The following ROBO2 variants were observed in gnomAD, a reference collection of about 807,000 sequenced individuals.
ROBO2 encodes the protein roundabout homolog 2.
In ROBO2, 53 loss-of-function variants were observed where a neutral mutation model predicts 160.8. The ratio of observed to expected loss-of-function variants is 0.33; its 90% CI spans 0.26 to 0.41. The LOEUF is 0.41. Among genes scored for constraint, ROBO2 ranks in the 10% least tolerant of loss-of-function variants. The pLI is 1.00. For synonymous variants in ROBO2, 664 were observed against 611.7 expected (o/e 1.09, Z -1.26); for missense variants, 1,577 against 1,722.4 (o/e 0.92, Z 1.49).
intron 2 of ROBO2, among the ~76,000 whole-genome samples, chr3:75,942,612 T>A (rs972175172): frequency 8.5e-5 from 13 of 152,250 alleles, no homozygotes; most frequent in Non-Finnish European, 1.8e-4. Flanking sequence ...AAAACCCACA[T>A]GAATACACAC....
At chr3:76,498,655 A>G (rs902004570) in intron 2 of ROBO2, among the ~76,000 whole-genome samples, 1 of 151,022 alleles carries the variant, frequency 6.6e-6, no homozygotes, top group African/African-American at 2.4e-5. Context: ...GTAACCAAAC[A>G]TACATCTGCT....
chr3:77,087,420 A>C (rs1475199072), intron 1 of ROBO2, among the ~76,000 whole-genome samples: 1 of 152,134 alleles, frequency 6.6e-6, no homozygotes, highest in East Asian at 1.9e-4. Context: ...TGAAAGGTAA[A>C]TCTGCATAAG....
chr3:77,393,709 A>C (rs1249705609), intron 2 of ROBO2, among the ~76,000 whole-genome samples: 1 of 151,330 alleles, frequency 6.6e-6, no homozygotes, highest in Admixed American at 6.6e-5. Flanking sequence ...AAGTTATTAC[A>C]TTCTGCACAG....
At chr3:77,317,637 C>T (rs1378677865) in intron 2 of ROBO2, 17 of 383,164 alleles carry the variant, frequency 4.4e-5, no homozygotes, top group Non-Finnish European at 5.9e-5. Flanking sequence ...GCGGGCTCTG[C>T]GGGGGCTGCT....
chr3:76,557,347 C>T (rs957460213), intron 2 of ROBO2, among the ~76,000 whole-genome samples: 8 of 151,894 alleles, frequency 5.3e-5, no homozygotes, highest in African/African-American at 1.9e-4. Context: ...TTGAAATCTA[C>T]CAAAAATCCT....
chr3:77,156,565 G>A (rs1579465642), intron 2 of ROBO2, among the ~76,000 whole-genome samples: 1 of 152,000 alleles, frequency 6.6e-6, no homozygotes, highest in East Asian at 1.9e-4. Flanking sequence ...TGTGAGAAAT[G>A]ATCAGTTTTC....
At chr3:75,954,128 T>A (rs1948646034) in intron 2 of ROBO2, among the ~76,000 whole-genome samples, 1 of 151,818 alleles carries the variant, frequency 6.6e-6, no homozygotes, top group African/African-American at 2.4e-5. Context: ...CAAAAGGATA[T>A]CATGTACCCT....
chr3:76,811,058 G>A (rs941625487), intron 2 of ROBO2, among the ~76,000 whole-genome samples: 1 of 152,156 alleles, frequency 6.6e-6, no homozygotes, highest in African/African-American at 2.4e-5. Flanking sequence ...CAAACTCATA[G>A]TGTTGCATGA....
intron 2 of ROBO2, among the ~76,000 whole-genome samples, chr3:75,943,789 C>T (rs1576242070): frequency 1.3e-5 from 2 of 152,058 alleles, no homozygotes; most frequent in African/African-American, 2.4e-5. Flanking sequence ...GCAGCCTCCA[C>T]CTCCCGGGCT....
intron 2 of ROBO2, among the ~76,000 whole-genome samples, chr3:76,655,100 G>T (rs964028806): frequency 1.3e-5 from 2 of 150,626 alleles, no homozygotes; most frequent in African/African-American, 4.9e-5. Context: ...TAAATTTTAT[G>T]AATAGTATGG....
At chr3:77,553,061 G>A (rs1308820946) in intron 8 of ROBO2, among the ~76,000 whole-genome samples, 2 of 151,898 alleles carry the variant, frequency 1.3e-5, no homozygotes, top group Non-Finnish European at 2.9e-5. Flanking sequence ...CAAATTGAAG[G>A]TTTATGGCAA....
At chr3:76,671,970 ATAAAC>A (rs1298778095) in intron 2 of ROBO2, among the ~76,000 whole-genome samples, 1 of 152,150 alleles carries the variant, frequency 6.6e-6, no homozygotes, top group African/African-American at 2.4e-5. Flanking sequence ...AAACAAGTGA[ATAAAC>A]TATGGTTTCT....
At chr3:76,992,325 CTATA>C (rs10530833) in intron 2 of ROBO2, among the ~76,000 whole-genome samples, 3,925 of 45,664 alleles carry the variant, frequency 0.086, 71 homozygotes, top group Middle Eastern at 0.11. Context: ...CCATGTATTA[CTATA>C]TATATATATA....
intron 2 of ROBO2, among the ~76,000 whole-genome samples, chr3:77,424,861 A>G (rs1001403510): frequency 3.9e-5 from 6 of 152,080 alleles, no homozygotes; most frequent in African/African-American, 1.4e-4. Flanking sequence ...CCTTCCATGA[A>G]CCTTTGCACA....
chr3:77,635,093 A>G (rs762559641), intron 24 of ROBO2, 50 bp downstream of exon 25: 6 of 1,583,132 alleles, frequency 3.8e-6, no homozygotes, highest in Non-Finnish European at 5.2e-6. Flanking sequence ...GACGTGCTCC[A>G]TGCAATCATT....
At chr3:76,872,471 G>A (rs2072210668) in intron 2 of ROBO2, among the ~76,000 whole-genome samples, 1 of 151,852 alleles carries the variant, frequency 6.6e-6, no homozygotes, top group Admixed American at 6.6e-5. Flanking sequence ...TGGAAGTTAA[G>A]CAGCTCTGTA....
intron 2 of ROBO2, among the ~76,000 whole-genome samples, chr3:76,701,468 T>C (rs2107459921): frequency 6.6e-6 from 1 of 152,218 alleles, no homozygotes; most frequent in South Asian, 2.1e-4. Flanking sequence ...TGGATGCTAC[T>C]TGATCAGAAG....
chr3:76,545,870 TA>T, intron 2 of ROBO2, among the ~76,000 whole-genome samples: 1 of 152,036 alleles, frequency 6.6e-6, no homozygotes, highest in Admixed American at 6.6e-5. Context: ...CCAGCTTAAA[TA>T]TTTTAAATAA....
chr3:76,754,390 T>C (rs886849804), intron 2 of ROBO2, among the ~76,000 whole-genome samples: 3 of 152,014 alleles, frequency 2.0e-5, no homozygotes, highest in Non-Finnish European at 1.5e-5. Context: ...ACATTACGGC[T>C]GCAACACTGA....
Sources: gnomAD v4.1 joint callset for allele counts (sites outside exome capture counted in the v4.1 genomes callset) on GRCh38, gnomAD v4.1.1 for gene constraint, MANE v1.5 for transcripts, NCBI Gene and HGNC (gene_info 2026-07-23, HGNC 2026-07-21) for gene names.